Variants in DRC3 observed in about 807,000 individuals in gnomAD.
The protein encoded by DRC3 is dynein regulatory complex subunit 3.
DRC3 carries 45 observed loss-of-function variants against 57.6 expected under a neutral mutation model. The observed-to-expected ratio is 0.78, with a 90% CI of 0.62 to 1.00. The LOEUF is 1.00. DRC3 is among the 50% of genes least tolerant of loss of function. The pLI is 0.00. For synonymous variants in DRC3, 257 were observed against 272.3 expected (o/e 0.94, Z 0.55); for missense variants, 655 against 675.2 (o/e 0.97, Z 0.33).
chr17:18,016,796 A>C lies in DRC3; in HGVS notation c.*125A>C, dbSNP rs186699780. 1 of 533,020 alleles carries C rather than the reference A, an allele frequency of 1.9e-6. No homozygotes were observed. The highest frequency in any genetic ancestry group is 3.3e-6 in the Non-Finnish European group (1 of 301,122). 33.0% of individuals were successfully genotyped at this position (533,020 alleles called of 1,614,324 possible). On this transcript the variant is annotated 3_prime_UTR_variant, in exon 14 of 14. Coordinates refer to ENST00000399187, the MANE Select transcript of DRC3 (RefSeq NM_031294.4). ...GCATCTCTCAACCGCGATCCCCAAC[A>C]CCATTCTTCCCCCACCCCTGGAAAA...
At chr17:17,984,814 G>T (rs2042884768) in intron 4 of DRC3, among the ~76,000 whole-genome samples, 1 of 152,026 alleles carries the variant, frequency 6.6e-6, no homozygotes, top group Non-Finnish European at 1.5e-5. Context: ...GGCACCCTGG[G>T]GCATCGTGAG....
intron 10 of DRC3, 169 bp downstream of exon 10, chr17:18,004,663 T>A: frequency 1.5e-6 from 1 of 663,288 alleles, no homozygotes; most frequent in Non-Finnish European, 2.5e-6. Flanking sequence ...TATTACATTT[T>A]AATCATTTAC....
At chr17:18,000,037 T>C (rs373026384) in intron 9 of DRC3, among the ~76,000 whole-genome samples, 13 of 151,890 alleles carry the variant, frequency 8.6e-5, no homozygotes, top group East Asian at 5.8e-4. Flanking sequence ...TATGTGTGTG[T>C]GCGTGTATGC....
At chr17:17,996,522 A>G (rs1302376371) in intron 8 of DRC3, among the ~76,000 whole-genome samples, 1 of 152,142 alleles carries the variant, frequency 6.6e-6, no homozygotes, top group Non-Finnish European at 1.5e-5. Flanking sequence ...ACTCACCCCC[A>G]TAATTCAATT....
At chr17:17,980,627 A>G (rs4283275) in intron 3 of DRC3, among the ~76,000 whole-genome samples, 142,320 of 142,632 alleles carry the variant, frequency 1, 71,005 homozygotes, top group Middle Eastern at 1. Flanking sequence ...ATGGAGTCTC[A>G]CTCTGTCGCC....
chr17:17,991,123 CCTGCTAGGTGACTAATAGTGTTTG>C (rs912568941), intron 5 of DRC3, among the ~76,000 whole-genome samples: 17 of 152,176 alleles, frequency 1.1e-4, no homozygotes, highest in Middle Eastern at 3.4e-3. Flanking sequence ...ATGCCGGAGG[CCTGCTAGGTGACTAATAGTGTTTG>C]CTGCTAGGTG....
chr17:17,999,452 A>G (rs1302497532), intron 9 of DRC3, among the ~76,000 whole-genome samples: 1 of 152,110 alleles, frequency 6.6e-6, no homozygotes, highest in Non-Finnish European at 1.5e-5. Flanking sequence ...CTGACTTGGA[A>G]GTTCCCAAGA....
At chr17:18,004,771 C>A in intron 10 of DRC3, 1 of 403,834 alleles carries the variant, frequency 2.5e-6, no homozygotes, top group Non-Finnish European at 4.5e-6. Context: ...TTGATTAGAC[C>A]CCTGGAGCTA....
chr17:17,991,253 C>T (rs1404361006), intron 5 of DRC3, among the ~76,000 whole-genome samples: 1 of 145,178 alleles, frequency 6.9e-6, no homozygotes, highest in Non-Finnish European at 1.5e-5. Context: ...TTGCATAGTA[C>T]AGTGTCTAGA....
chr17:18,006,205 G>A lies in DRC3; in HGVS notation c.1154G>A (p.Arg385Lys). 1.9e-6 allele frequency: 3 copies of A among 1,612,234 alleles called. No homozygotes were observed. Among genetic ancestry groups the A allele is most frequent in the Non-Finnish European group, 2.5e-6 (3 of 1,178,674 alleles). Residue 385 changes from arginine to lysine, a missense_variant, in exon 11 of 14, where the codon AGG becomes AAG. By Grantham distance (26) the Arg-to-Lys change is conservative (BLOSUM62 2). Coordinates refer to ENST00000399187, the MANE Select transcript of DRC3 (RefSeq NM_031294.4). Reference protein sequence around the residue: ...QLEETINMFERNIVDMVGLFI... With the variant: ...QLEETINMFEKNIVDMVGLFI... ...CAGGAGACTATAAACATGTTTGAAA[G>A]GAACATTGTTGACATGGTAGGACTG...
chr17:17,990,694 A>G (rs1204827299), intron 5 of DRC3, among the ~76,000 whole-genome samples: 7 of 152,180 alleles, frequency 4.6e-5, no homozygotes, highest in Non-Finnish European at 1.5e-5. Context: ...GGTTTTATTT[A>G]CTTTTTAAAA....
chr17:18,012,686 GAA>G (rs372769732), intron 12 of DRC3, among the ~76,000 whole-genome samples: 1 of 132,356 alleles, frequency 7.6e-6, no homozygotes, highest in East Asian at 2.2e-4. Context: ...TGTCTCAGAA[GAA>G]AAAAAAAAAG....
intron 5 of DRC3, among the ~76,000 whole-genome samples, chr17:17,990,223 G>A (rs1029221181): frequency 2.0e-5 from 3 of 152,198 alleles, no homozygotes; most frequent in African/African-American, 7.2e-5. Context: ...CGGCCAGGCT[G>A]GGCTTACATG....
rs780908013 is a variant in DRC3, at chr17:17,977,680, CAGG to C, written c.89_91del (p.Glu30del). On this transcript the variant is annotated inframe_deletion, in exon 3 of 14. Transcript: ENST00000399187. ...GCTGGCCGTCGGGGACCAGGGCCCC[CAGG>C]AGGAGGCCGGGCAGCTGGCCAAGCA... 2.3e-4 allele frequency: 367 copies of C among 1,613,748 alleles called. No individual in the cohort carries two copies. Among genetic ancestry groups the C allele is most frequent in the Non-Finnish European group, 3.0e-4 (357 of 1,179,858 alleles).
At chr17:17,975,216 T>A (rs1384410388) in intron 2 of DRC3, among the ~76,000 whole-genome samples, 2 of 151,802 alleles carry the variant, frequency 1.3e-5, no homozygotes, top group Non-Finnish European at 2.9e-5. Context: ...GCACCTTTTT[T>A]TTTTTTTTTT....
intron 9 of DRC3, among the ~76,000 whole-genome samples, chr17:17,999,386 CAG>C (rs2043594873): frequency 6.6e-6 from 1 of 152,214 alleles, no homozygotes; most frequent in Non-Finnish European, 1.5e-5. Flanking sequence ...TGGCCTGGCA[CAG>C]GGATTTTCCA....
intron 2 of DRC3, among the ~76,000 whole-genome samples, chr17:17,976,807 A>G (rs1331656537): frequency 6.6e-6 from 1 of 152,182 alleles, no homozygotes; most frequent in East Asian, 1.9e-4. Context: ...AGCCAGCAAG[A>G]AGGAGGCAGC....
intron 11 of DRC3, 107 bp downstream of exon 11, chr17:18,006,360 C>A: frequency 2.5e-6 from 2 of 789,574 alleles, no homozygotes; most frequent in South Asian, 1.5e-5. Flanking sequence ...GGAGGTTTCC[C>A]GACCCTCAGA....
intron 4 of DRC3, among the ~76,000 whole-genome samples, chr17:17,986,862 C>T (rs1439596273): frequency 6.6e-6 from 1 of 152,140 alleles, no homozygotes; most frequent in Non-Finnish European, 1.5e-5. Flanking sequence ...CATTGGTGTT[C>T]CAGGACAAGA....
Sources: gnomAD v4.1 joint callset for allele counts (sites outside exome capture counted in the v4.1 genomes callset) on GRCh38, gnomAD v4.1.1 for gene constraint, MANE v1.5 for transcripts, NCBI Gene and HGNC (gene_info 2026-07-23, HGNC 2026-07-21) for gene names.